The following XCR1 variants were observed in gnomAD, a reference collection of about 807,000 sequenced individuals.
XCR1 encodes the protein X-C motif chemokine receptor 1.
For synonymous variants in XCR1, 187 were observed against 188.5 expected (o/e 0.99, Z 0.06); for missense variants, 356 against 424.2 (o/e 0.84, Z 1.41).
At chr3:46,071,556 C>T (rs575973634) in intron 3 of XCR1, among the ~76,000 whole-genome samples, 1 of 152,130 alleles carries the variant, frequency 6.6e-6, no homozygotes, top group African/African-American at 2.4e-5. Flanking sequence ...TACAAAAATC[C>T]TCAACAAAAT....
At chr3:46,031,520 C>T (rs150975447), upstream of XCR1, among the ~76,000 whole-genome samples, 14 of 152,306 alleles carry the variant, frequency 9.2e-5, no homozygotes, top group East Asian at 9.7e-4. Context: ...AGGAGGGGGG[C>T]GCTGAGGGCA....
chr3:46,021,264 G>T lies in XCR1; in HGVS notation c.684C>A (p.Phe228Leu). 1.2e-6 allele frequency: 2 copies of T among 1,614,232 alleles called. No homozygotes were observed. Among genetic ancestry groups the T allele is most frequent in the Non-Finnish European group, 1.7e-6 (2 of 1,180,056 alleles). Residue 228 changes from phenylalanine to leucine, a missense_variant, in exon 2 of 2, where the codon TTC becomes TTA. Transcript: ENST00000309285. This position sits in a 1 kb window ranked among gnomAD's most constrained non-coding sequence, Gnocchi z 4.7. ...TGAGGAAGTAGGCCACCACGATGGC[G>T]AAGATGAGCTTGACCGTGCGGTGGC... ...KRRHRTVKLI[F>L]AIVVAYFLSW...
At chr3:46,072,749 T>C (rs1372824186) in intron 3 of XCR1, among the ~76,000 whole-genome samples, 1 of 152,146 alleles carries the variant, frequency 6.6e-6, no homozygotes, top group Non-Finnish European at 1.5e-5. Context: ...ATGTTGATAA[T>C]TTATTGGAAT....
intron 5 of XCR1, among the ~76,000 whole-genome samples, chr3:46,053,624 C>G (rs1015633796): frequency 6.7e-6 from 1 of 149,420 alleles, no homozygotes; most frequent in Non-Finnish European, 1.5e-5. Flanking sequence ...TGAAGAATAA[C>G]TTTAAAACCT....
chr3:46,081,625 A>G (rs1290702693), intron 1 of XCR1, among the ~76,000 whole-genome samples: 2 of 152,080 alleles, frequency 1.3e-5, no homozygotes. Context: ...TAGTTTTGGC[A>G]TTGCAAGCAT....
intron 4 of XCR1, among the ~76,000 whole-genome samples, chr3:46,058,428 T>C (rs1031777099): frequency 3.3e-5 from 5 of 152,200 alleles, no homozygotes; most frequent in Admixed American, 2.0e-4. Context: ...ATGTCTGTCC[T>C]TAAAGAAACC....
chr3:46,045,420 A>G (rs779926828), intron 5 of XCR1, among the ~76,000 whole-genome samples: 25 of 152,096 alleles, frequency 1.6e-4, no homozygotes, highest in Non-Finnish European at 2.9e-4. Context: ...AAATACCACC[A>G]CCAACTGGGA....
At position 46,056,158 on chromosome 3, in the gene XCR1, G is replaced by C. The variant is rs181015670; in HGVS notation, c.-182-2088C>G. Among the ~76,000 whole-genome samples, 7 of 152,270 alleles carry C rather than the reference G, an allele frequency of 4.6e-5. No individual in the cohort carries two copies. The East Asian group carries it at 1.4e-3, about 29-fold the overall frequency. ...GCTCTCAGAAATGTGTGGTGTAGGT[G>C]CAGTGCTTGTTATATAGGGGTCAGA... On this transcript the variant is annotated intron_variant, in intron 4 of 5. Transcript: ENST00000683768.
intron 5 of XCR1, among the ~76,000 whole-genome samples, chr3:46,047,582 T>C (rs1697658412): frequency 6.6e-6 from 1 of 152,224 alleles, no homozygotes; most frequent in African/African-American, 2.4e-5. Flanking sequence ...TATTATTGGA[T>C]AGTATTCCAA....
At chr3:46,064,547 G>T (rs1698026137) in intron 4 of XCR1, among the ~76,000 whole-genome samples, 1 of 152,174 alleles carries the variant, frequency 6.6e-6, no homozygotes, top group Non-Finnish European at 1.5e-5. Flanking sequence ...ATAGAATGTG[G>T]CTGGAGTGAC....
chr3:46,024,239 G>A, intron 1 of XCR1: 1 of 341,108 alleles, frequency 2.9e-6, no homozygotes, highest in Non-Finnish European at 5.3e-6. Context: ...AAATGAAAAG[G>A]GAAAACCACG....
intron 5 of XCR1, among the ~76,000 whole-genome samples, chr3:46,050,156 A>G (rs1379640579): frequency 6.6e-6 from 1 of 152,196 alleles, no homozygotes; most frequent in Non-Finnish European, 1.5e-5. Context: ...AGGTTTTTGC[A>G]GTTGTAGCGG....
intron 4 of XCR1, among the ~76,000 whole-genome samples, chr3:46,062,844 G>C (rs955827624): frequency 2.6e-5 from 4 of 152,226 alleles, no homozygotes; most frequent in Non-Finnish European, 5.9e-5. Context: ...GGCTGGGGTG[G>C]CTCTAGTGGT....
At chr3:46,030,917 T>C (rs1708383186), upstream of XCR1, among the ~76,000 whole-genome samples, 1 of 152,254 alleles carries the variant, frequency 6.6e-6, no homozygotes, top group Non-Finnish European at 1.5e-5. Flanking sequence ...GCCAAAGGTG[T>C]AGCTGGGACT....
chr3:46,066,715 C>T (rs1477612841), intron 4 of XCR1, among the ~76,000 whole-genome samples: 1 of 152,188 alleles, frequency 6.6e-6, no homozygotes, highest in African/African-American at 2.4e-5. Context: ...GGAAGCCAGG[C>T]AGAGTAGAGG....
intron 1 of XCR1, among the ~76,000 whole-genome samples, chr3:46,076,999 G>T (rs1321887391): frequency 6.6e-6 from 1 of 152,172 alleles, no homozygotes; most frequent in Non-Finnish European, 1.5e-5. Flanking sequence ...AAAGGCTTTG[G>T]AGTAAAAAGC....
intron 4 of XCR1, among the ~76,000 whole-genome samples, chr3:46,056,101 TG>T (rs1442780495): frequency 6.6e-6 from 1 of 152,230 alleles, no homozygotes; most frequent in Admixed American, 6.5e-5. Context: ...TTAGGCTGGC[TG>T]GGACTGTCTT....
intron 4 of XCR1, among the ~76,000 whole-genome samples, chr3:46,065,491 A>G (rs1325805088): frequency 3.2e-4 from 49 of 152,242 alleles, no homozygotes. Context: ...GTTCTGGGCC[A>G]CCTGCCAAAT....
chr3:46,044,130 G>C (rs560524390), intron 5 of XCR1, among the ~76,000 whole-genome samples: 2 of 152,178 alleles, frequency 1.3e-5, no homozygotes, highest in East Asian at 3.9e-4. Context: ...CAGGTAGCTG[G>C]GATTATAGGT....
Sources: allele counts gnomAD v4.1 joint callset (sites outside exome capture counted in the v4.1 genomes callset), GRCh38; gene constraint gnomAD v4.1.1; non-coding constraint Gnocchi (gnomAD v3.1); transcripts MANE v1.5; gene names NCBI Gene and HGNC (gene_info 2026-07-23, HGNC 2026-07-21).